The following CDH23 variants were observed in gnomAD, a reference collection of about 807,000 sequenced individuals.
CDH23 encodes cadherin related 23.
Under a neutral mutation model 317.1 loss-of-function variants are expected in CDH23, and 189 were observed. That is an observed-to-expected ratio of 0.60 (90% CI 0.53 to 0.67). The LOEUF is 0.67. CDH23 is among the 30% of genes least tolerant of loss of function. The pLI is 0.00. For missense variants in CDH23, 4,401 were observed against 4,592.4 expected (o/e 0.96, Z 1.20); for synonymous variants, 1,839 against 1,876.8 (o/e 0.98, Z 0.52).
At chr10:71,716,421 G>T (rs752645516) in intron 28 of CDH23, 27 of 1,190,414 alleles carry the variant, frequency 2.3e-5, no homozygotes, top group Middle Eastern at 2.9e-4. Flanking sequence ...ACTTACCTAG[G>T]GAATGTGGAT....
chr10:71,575,579 G>A (rs533633396), intron 8 of CDH23, among the ~76,000 whole-genome samples: 3 of 152,224 alleles, frequency 2.0e-5, no homozygotes, highest in South Asian at 2.1e-4. Context: ...CCTCTCTCTC[G>A]GAGGCGTCCT....
At position 71,626,117 on chromosome 10, in the gene CDH23, T is replaced by C. The variant is rs556005718; in HGVS notation, c.1134+8724T>C. Among the ~76,000 whole-genome samples, 83 of 152,316 alleles carry C rather than the reference T, an allele frequency of 5.4e-4. No individual in the cohort carries two copies. In the South Asian group the frequency reaches 0.017, roughly 31 times the overall value. ...AGCGCATACAGGATTATAACAACCT[T>C]TTAGAATACTTTGGTAACTGTATTT... On this transcript the variant is annotated intron_variant, in intron 11 of 69. Coordinates refer to ENST00000224721, the MANE Select transcript of CDH23 (RefSeq NM_022124.6).
At position 71,682,392 on chromosome 10, in the gene CDH23, C is replaced by CCCAAA. The variant is rs1864689498; in HGVS notation, c.1859-53_1859-52insCCAAA. On this transcript the variant is annotated intron_variant, in intron 17 of 69. Transcript: ENST00000224721. The stretch of plus-strand genomic sequence containing the variant: ...TGCCCAAAGGGGACCCCTGTCTGGA[C>CCCAAA]GGGCATCTCAAGTCTGCTTACAGAG... 1.9e-6 allele frequency: 3 copies of CCCAAA among 1,595,828 alleles called. No homozygotes were observed. In the Admixed American group the frequency reaches 5.2e-5, roughly 27 times the overall value.
chr10:71,561,823 G>A (rs1221085364), intron 6 of CDH23, among the ~76,000 whole-genome samples: 1 of 152,114 alleles, frequency 6.6e-6, no homozygotes, highest in Non-Finnish European at 1.5e-5. Context: ...AAGCCATAAG[G>A]GAGTAGGTGG....
intron 38 of CDH23, among the ~76,000 whole-genome samples, chr10:71,765,997 G>A (rs980609930): frequency 2.6e-5 from 4 of 152,146 alleles, no homozygotes; most frequent in Non-Finnish European, 4.4e-5. Context: ...GCAGCCTGTC[G>A]TTAGGAGGAC....
intron 22 of CDH23, among the ~76,000 whole-genome samples, chr10:71,699,623 G>A (rs546439456): frequency 1.3e-5 from 2 of 152,198 alleles, no homozygotes; most frequent in Non-Finnish European, 2.9e-5. Flanking sequence ...TGCCTTCAAG[G>A]ACCTGGCTGA....
intron 38 of CDH23, among the ~76,000 whole-genome samples, 164 bp from the exon 39 acceptor site, chr10:71,777,516 G>T (rs76526752): frequency 2.0e-5 from 3 of 152,134 alleles, no homozygotes; most frequent in Non-Finnish European, 4.4e-5. Flanking sequence ...TGGAGTTTTT[G>T]AGCTTTCTCT....
At chr10:71,762,032 CAG>C in intron 38 of CDH23, 1 of 1,587,258 alleles carries the variant, frequency 6.3e-7, no homozygotes, top group East Asian at 2.2e-5. Flanking sequence ...CGGACCTGCT[CAG>C]AGAGAGGAGA....
In CDH23 at chr10:71,807,874, A is replaced by C. The variant is rs1254118386; in HGVS notation, c.8589A>C (p.Ser2863=). The C allele has an allele frequency of 1.0e-5, 16 of 1,604,304 alleles. No individual in the cohort carries two copies. Among genetic ancestry groups the C allele is most frequent in the Non-Finnish European group, 1.3e-5 (15 of 1,175,476 alleles). ...TGGCCACCGACGCCAAGGTGGGCTC[A>C]GAGTTGATCCAGGTGCTGGCCCTGG... is the stretch of plus-strand genomic sequence containing the variant. The part of the protein sequence containing the change: ...AGVATDAKVG[S]ELIQVLALDA... Residue 2863 remains serine, a synonymous_variant, in exon 60 of 70, where the codon TCA becomes TCC. Transcript: ENST00000224721.
At position 71,603,541 on chromosome 10, in the gene CDH23, T is replaced by A. The variant is rs183960658; in HGVS notation, c.833-11963T>A. 2.3e-3 allele frequency among the ~76,000 whole-genome samples: 348 copies of A among 152,262 alleles called. 1 individual carries two copies. Among genetic ancestry groups the A allele is most frequent in the African/African-American group, 7.7e-3 (318 of 41,560 alleles). Reference sequence around the variant, plus strand: ...CTCTTAGCCCAAGGAGAGACCCCAGTTGAAGGGAAGCATGGGTGTTTGGGC... The same window carrying A: ...CTCTTAGCCCAAGGAGAGACCCCAGATGAAGGGAAGCATGGGTGTTTGGGC... On this transcript the variant is annotated intron_variant, in intron 9 of 69. Transcript: ENST00000224721.
intron 6 of CDH23, among the ~76,000 whole-genome samples, chr10:71,564,639 A>G (rs183293508): frequency 1.3e-5 from 2 of 152,346 alleles, no homozygotes; most frequent in African/African-American, 4.8e-5. Flanking sequence ...TCCCCGAGGC[A>G]GGGAGCTGGA....
chr10:71,808,474 G>A (rs571202829), intron 60 of CDH23, among the ~76,000 whole-genome samples: 46 of 152,060 alleles, frequency 3.0e-4, no homozygotes, highest in African/African-American at 9.6e-4. Flanking sequence ...TGCGCACATC[G>A]CCTTCCCCTA....
chr10:71,431,519 C>G (rs1233965665), intron 1 of CDH23, among the ~76,000 whole-genome samples: 1 of 152,226 alleles, frequency 6.6e-6, no homozygotes, highest in Non-Finnish European at 1.5e-5. Flanking sequence ...TCTGCAGGCG[C>G]CTTCTTGCAC....
chr10:71,598,393 A>T (rs1859998770), intron 9 of CDH23, among the ~76,000 whole-genome samples: 1 of 152,114 alleles, frequency 6.6e-6, no homozygotes, highest in East Asian at 1.9e-4. Context: ...GCTTGCAAAC[A>T]CCCCAAGTGA....
At chr10:71,537,511 AGT>A (rs1236881570) in intron 6 of CDH23, among the ~76,000 whole-genome samples, 1 of 152,248 alleles carries the variant, frequency 6.6e-6, no homozygotes, top group Non-Finnish European at 1.5e-5. Flanking sequence ...TGCAGCCAGG[AGT>A]AGCTTGGCCT....
chr10:71,695,335 A>T, intron 21 of CDH23, 83 bp from the exon 22 acceptor site: 2 of 951,904 alleles, frequency 2.1e-6, no homozygotes, highest in Non-Finnish European at 3.5e-6. Context: ...GCCCGTGGGC[A>T]TCTGAGCACT....
chr10:71,755,590 C>G (rs1008668205), intron 38 of CDH23: 21 of 865,270 alleles, frequency 2.4e-5, no homozygotes, highest in Non-Finnish European at 3.8e-5. Flanking sequence ...AGTCCCACAG[C>G]TAGACCCCCA....
At chr10:71,527,183 C>T (rs1409850614) in intron 6 of CDH23, among the ~76,000 whole-genome samples, 1 of 152,234 alleles carries the variant, frequency 6.6e-6, no homozygotes, top group Admixed American at 6.5e-5. Context: ...CCAGGCTGGG[C>T]AGCTTGTTCC....
At chr10:71,570,769 G>A in intron 7 of CDH23, 21 bp from the exon 8 acceptor site, 2 of 1,591,298 alleles carry the variant, frequency 1.3e-6, no homozygotes, top group Non-Finnish European at 1.7e-6. Flanking sequence ...CTAAGGCTGT[G>A]TGTTCTCTCC....
Sources: allele counts gnomAD v4.1 joint callset (sites outside exome capture counted in the v4.1 genomes callset), GRCh38; gene constraint gnomAD v4.1.1; transcripts MANE v1.5; gene names NCBI Gene and HGNC (gene_info 2026-07-23, HGNC 2026-07-21).